The following VPS13B variants were observed in gnomAD, a reference collection of about 807,000 sequenced individuals.
VPS13B encodes intermembrane lipid transfer protein VPS13B.
In VPS13B, 285 loss-of-function variants were observed where a neutral mutation model predicts 426.4. The ratio of observed to expected loss-of-function variants is 0.67; its 90% CI spans 0.61 to 0.74. The LOEUF (loss-of-function observed/expected upper bound fraction) is 0.74, where lower values mean the gene tolerates loss of function less well. Among genes scored for constraint, VPS13B ranks in the 30% least tolerant of loss-of-function variants. VPS13B has a pLI of 0.00. For synonymous variants in VPS13B, 1,676 were observed against 1,676.4 expected, an observed-to-expected ratio of 1.00 and a Z score of 0.01; for missense variants, 4,537 against 4,782.6, an observed-to-expected ratio of 0.95 and a Z score of 1.51.
rs1239205074 is a variant in VPS13B at position 99,206,053 on chromosome 8, G to A, written c.2515+12996G>A. Reference sequence around the variant, plus strand: ...TATTGAATATATATTTTTGTTATTCGTGTTTCTGATGGCTCTTAAATCATA... The same window carrying A: ...TATTGAATATATATTTTTGTTATTCATGTTTCTGATGGCTCTTAAATCATA... On this transcript the variant is annotated intron_variant, in intron 17 of 61. Coordinates refer to ENST00000357162, the MANE Select transcript of VPS13B (RefSeq NM_152564.5). Among the ~76,000 whole-genome samples, 6 of 152,026 alleles carry A rather than the reference G, an allele frequency of 3.9e-5. No individual in the cohort carries two copies. The East Asian group carries it at 1.2e-3, about 29-fold the overall frequency.
At chr8:99,385,202 A>G (rs1398723039) in intron 20 of VPS13B, among the ~76,000 whole-genome samples, 2 of 152,228 alleles carry the variant, frequency 1.3e-5, no homozygotes, top group Non-Finnish European at 2.9e-5. Flanking sequence ...AAAGATGAAG[A>G]AACTGATGCT....
chr8:99,299,335 T>G (rs1820229837), intron 19 of VPS13B, among the ~76,000 whole-genome samples: 1 of 152,020 alleles, frequency 6.6e-6, no homozygotes, highest in African/African-American at 2.4e-5. Context: ...GTGCTGGAAT[T>G]ACAGGTGTGA....
chr8:99,607,790 AT>A (rs1172640106), intron 33 of VPS13B, among the ~76,000 whole-genome samples: 2 of 152,198 alleles, frequency 1.3e-5, no homozygotes, highest in Admixed American at 1.3e-4. Flanking sequence ...AAAATGGGAC[AT>A]TTAAAAATAT....
chr8:99,779,608 T>C (rs1289029561), intron 42 of VPS13B, among the ~76,000 whole-genome samples: 1 of 152,204 alleles, frequency 6.6e-6, no homozygotes, highest in Non-Finnish European at 1.5e-5. Flanking sequence ...TTTTTAACTT[T>C]TATTTCTTAT....
At chr8:99,427,584 G>A (rs1257675494) in intron 21 of VPS13B, among the ~76,000 whole-genome samples, 3 of 152,036 alleles carry the variant, frequency 2.0e-5, no homozygotes, top group African/African-American at 4.8e-5. Flanking sequence ...TACAAGGGAC[G>A]TGAAGGACCT....
chr8:99,849,921 A>T (rs549381042), intron 55 of VPS13B, among the ~76,000 whole-genome samples: 3 of 144,546 alleles, frequency 2.1e-5, no homozygotes, highest in Non-Finnish European at 4.5e-5. Flanking sequence ...ACATACATAC[A>T]TAAGTACGCA....
chr8:99,642,284 A>C lies in VPS13B; in HGVS notation c.5694A>C (p.Ala1898=), dbSNP rs768413242. 6 of 1,614,074 alleles carry C rather than the reference A, an allele frequency of 3.7e-6. No individual in the cohort carries two copies. The highest frequency in any genetic ancestry group is 4.2e-6 in the Non-Finnish European group (5 of 1,180,026). Residue 1898 remains alanine, a synonymous_variant, in exon 34 of 62, where the codon GCA becomes GCC. Transcript: ENST00000357162. ...TCCTCTCTCTTGAAAGTCTTCATGC[A>C]TCCACAAGGTCATCTGCTAGACAAG... ...IGVLSLESLH[A]STRSSARQAL...
chr8:99,678,192 T>C (rs1831018425), intron 35 of VPS13B, among the ~76,000 whole-genome samples: 1 of 152,218 alleles, frequency 6.6e-6, no homozygotes, highest in Admixed American at 6.5e-5. Flanking sequence ...CTGCTGATGA[T>C]AGGAAAAATT....
chr8:99,047,982 T>C (rs1238984186), intron 3 of VPS13B, among the ~76,000 whole-genome samples: 1 of 152,048 alleles, frequency 6.6e-6, no homozygotes, highest in East Asian at 1.9e-4. Flanking sequence ...GCCACTGTGC[T>C]CTGCTCTATG....
intron 51 of VPS13B, 96 bp from the exon 52 acceptor site, chr8:99,832,273 A>G: frequency 7.1e-7 from 1 of 1,411,894 alleles, no homozygotes; most frequent in Non-Finnish European, 9.3e-7. Flanking sequence ...AAAAAAAAAG[A>G]AAAGAAAAGA....
chr8:99,021,494 G>A (rs1385764500), intron 2 of VPS13B, among the ~76,000 whole-genome samples: 4 of 151,910 alleles, frequency 2.6e-5, no homozygotes, highest in Non-Finnish European at 4.4e-5. Context: ...GGTGGCGGGC[G>A]CCTGTAATCC....
chr8:99,501,634 C>T lies in VPS13B; in HGVS notation c.3871-53C>T, dbSNP rs1033931708. 3.9e-6 allele frequency: 6 copies of T among 1,536,534 alleles called. No individual in the cohort carries two copies. In the African/African-American group the frequency reaches 8.2e-5, roughly 21 times the overall value. On this transcript the variant is annotated intron_variant, in intron 25 of 61. Transcript: ENST00000357162. ...GATTTTAATTTATAATTTGTATTTT[C>T]TGTTATTTTTGTTTATGTTACAAAG...
At chr8:99,326,088 A>T (rs1291802620) in intron 19 of VPS13B, among the ~76,000 whole-genome samples, 1 of 152,108 alleles carries the variant, frequency 6.6e-6, no homozygotes, top group Admixed American at 6.6e-5. Context: ...CCTTCTTGGC[A>T]ATTTCTTATT....
intron 35 of VPS13B, among the ~76,000 whole-genome samples, chr8:99,695,690 A>G (rs553549837): frequency 1.8e-3 from 261 of 148,050 alleles, no homozygotes; most frequent in African/African-American, 6.2e-3. Context: ...CTAAAACTTA[A>G]AGTATAATAA....
chr8:99,314,270 G>T (rs1229763179), intron 19 of VPS13B, among the ~76,000 whole-genome samples: 1 of 152,066 alleles, frequency 6.6e-6, no homozygotes, highest in Non-Finnish European at 1.5e-5. Flanking sequence ...CATGCTGGGA[G>T]CTGTAGACTG....
chr8:99,142,220 G>A (rs557520106), intron 12 of VPS13B, among the ~76,000 whole-genome samples: 1 of 152,180 alleles, frequency 6.6e-6, no homozygotes, highest in South Asian at 2.1e-4. Flanking sequence ...GGCTTTTCTA[G>A]TTTCTAAGGT....
intron 19 of VPS13B, among the ~76,000 whole-genome samples, chr8:99,351,427 A>AGT (rs1430070270): frequency 6.2e-5 from 9 of 144,100 alleles, no homozygotes; most frequent in African/African-American, 1.7e-4. Flanking sequence ...CAAGAGAGAG[A>AGT]GAGAGAGAGT....
intron 19 of VPS13B, among the ~76,000 whole-genome samples, chr8:99,357,723 C>T (rs1040847144): frequency 6.6e-6 from 1 of 152,152 alleles, no homozygotes; most frequent in Admixed American, 6.5e-5. Flanking sequence ...CATTCAGCCT[C>T]TCTGTGTCTC....
At chr8:99,611,770 A>C (rs1827853427) in intron 33 of VPS13B, among the ~76,000 whole-genome samples, 1 of 152,014 alleles carries the variant, frequency 6.6e-6, no homozygotes, top group Non-Finnish European at 1.5e-5. Context: ...CTTTCTATAA[A>C]CTTTAAAACA....
Sources: gnomAD v4.1 joint callset for allele counts (sites outside exome capture counted in the v4.1 genomes callset) on GRCh38, gnomAD v4.1.1 for gene constraint, MANE v1.5 for transcripts, NCBI Gene and HGNC (gene_info 2026-07-23, HGNC 2026-07-21) for gene names.